Variants in PTPRD observed in about 807,000 individuals in gnomAD.
PTPRD encodes protein tyrosine phosphatase receptor type D, also known as receptor-type tyrosine-protein phosphatase delta.
Under a neutral mutation model 214.5 loss-of-function variants are expected in PTPRD, and 34 were observed. The observed-to-expected ratio is 0.16, with a 90% confidence interval of 0.12 to 0.21. PTPRD has a LOEUF of 0.21. Ranked by LOEUF, PTPRD falls within the 10% of genes least tolerant of loss-of-function variation. The pLI, the probability that PTPRD is intolerant of heterozygous loss-of-function variation, is 1.00. For missense variants in PTPRD, 2,545 were observed against 2,398.7 expected, an observed-to-expected ratio of 1.06 and a Z score of -1.27; for synonymous variants, 1,128 against 845.7, an observed-to-expected ratio of 1.33 and a Z score of -5.79.
intron 11 of PTPRD, among the ~76,000 whole-genome samples, chr9:8,832,124 G>A (rs111918988): frequency 1.2e-4 from 19 of 152,026 alleles, no homozygotes; most frequent in African/African-American, 4.3e-4. Context: ...GTGTGTGTGT[G>A]TGTGTGTGTG....
intron 36 of PTPRD, among the ~76,000 whole-genome samples, chr9:8,403,971 A>G (rs2092709660): frequency 6.6e-6 from 1 of 152,190 alleles, no homozygotes; most frequent in African/African-American, 2.4e-5. Context: ...TCCCATATAA[A>G]ACATCAACTA....
chr9:8,324,880 T>A (rs1162236332), intron 44 of PTPRD, among the ~76,000 whole-genome samples: 3 of 152,246 alleles, frequency 2.0e-5, no homozygotes, highest in African/African-American at 4.8e-5. Flanking sequence ...CATATGTTTG[T>A]CTGCCGCATC....
chr9:9,935,919 T>G lies in PTPRD; in HGVS notation c.-368+2588A>C, dbSNP rs1169295992. 1.7e-4 allele frequency among the ~76,000 whole-genome samples: 26 copies of G among 150,166 alleles called. No individual in the cohort carries two copies. In the East Asian group the frequency reaches 2.0e-3, roughly 11 times the overall value. Reference sequence around the variant, plus strand: ...AACAGAACAGAGCCCTCAGAAATAATGCTGCATATCTACAACTATCTGATC... The same window carrying G: ...AACAGAACAGAGCCCTCAGAAATAAGGCTGCATATCTACAACTATCTGATC... On this transcript the variant is annotated intron_variant, in intron 5 of 45. Coordinates refer to ENST00000381196, the MANE Select transcript of PTPRD (RefSeq NM_002839.4).
At chr9:9,024,260 C>T (rs183522111) in intron 10 of PTPRD, among the ~76,000 whole-genome samples, 1 of 150,980 alleles carries the variant, frequency 6.6e-6, no homozygotes, top group East Asian at 1.9e-4. Context: ...TTAGTTAGTG[C>T]ATAGTTATTT....
At chr9:8,785,338 A>C (rs1379792733) in intron 11 of PTPRD, among the ~76,000 whole-genome samples, 7 of 152,264 alleles carry the variant, frequency 4.6e-5, no homozygotes. Context: ...CCATGGTTTT[A>C]ATCTGGCTGG....
intron 14 of PTPRD, among the ~76,000 whole-genome samples, chr9:8,593,555 T>C (rs760068959): frequency 8.5e-5 from 13 of 152,216 alleles, no homozygotes; most frequent in Non-Finnish European, 1.6e-4. Context: ...TCCTACTTCC[T>C]CATAGTATAG....
At chr9:9,605,553 T>C (rs2094098121) in intron 7 of PTPRD, among the ~76,000 whole-genome samples, 1 of 152,114 alleles carries the variant, frequency 6.6e-6, no homozygotes, top group African/African-American at 2.4e-5. Flanking sequence ...GGTTTGCTAA[T>C]GATTTAGACT....
At chr9:10,033,087 G>C (rs1334894501) in intron 4 of PTPRD, among the ~76,000 whole-genome samples, 1 of 151,100 alleles carries the variant, frequency 6.6e-6, no homozygotes, top group African/African-American at 2.4e-5. Flanking sequence ...ATGTAAGTGT[G>C]TGTGTGTATG....
chr9:9,928,755 T>TACACACACAC (rs545488105), intron 5 of PTPRD, among the ~76,000 whole-genome samples: 1,219 of 109,634 alleles, frequency 0.011, 18 homozygotes, highest in African/African-American at 0.043. Flanking sequence ...TCTCTCTCTC[T>TACACACACAC]ATACACACAC....
chr9:10,324,259 C>T (rs1019808224), intron 3 of PTPRD, among the ~76,000 whole-genome samples: 16 of 151,982 alleles, frequency 1.1e-4, no homozygotes, highest in Admixed American at 1.0e-3. Flanking sequence ...TTTGATAGCC[C>T]ACCCCTTCTC....
In PTPRD at chr9:9,806,356, T is replaced by C. The variant is rs187174104; in HGVS notation, c.-367-39505A>G. Among the ~76,000 whole-genome samples the C allele has an allele frequency of 4.6e-3, 705 of 152,184 alleles. 3 individuals carry two copies. The highest frequency in any genetic ancestry group is 0.016 in the African/African-American group (655 of 41,528). ...AAGGTCCTCTGAGCTGGCCGCACCA[T>C]CGTCAAGCCATTATGACATTCCCCC... On this transcript the variant is annotated intron_variant, in intron 5 of 45. Coordinates refer to ENST00000381196, the MANE Select transcript of PTPRD (RefSeq NM_002839.4).
rs1477163358 is a variant in PTPRD at position 9,936,132 on chromosome 9, A to G, written c.-368+2375T>C. Among the ~76,000 whole-genome samples, 2 of 147,418 alleles carry G rather than the reference A, an allele frequency of 1.4e-5. 1 individual carries two copies. The highest frequency in any genetic ancestry group is 5.3e-5 in the African/African-American group (2 of 37,388). On this transcript the variant is annotated intron_variant, in intron 5 of 45. Transcript: ENST00000381196. ...CCTAAAACCATAAAAGCCCTAGAAG[A>G]AAACCTAGGCATTACCATTCAGGAC...
intron 11 of PTPRD, among the ~76,000 whole-genome samples, chr9:8,826,373 A>G (rs2097175446): frequency 1.3e-5 from 2 of 152,112 alleles, no homozygotes; most frequent in South Asian, 2.1e-4. Flanking sequence ...TGTGCCTTAA[A>G]TGAAATCCAA....
intron 3 of PTPRD, among the ~76,000 whole-genome samples, chr9:10,235,870 C>A (rs562844714): frequency 3.3e-5 from 5 of 152,068 alleles, no homozygotes; most frequent in African/African-American, 1.2e-4. Context: ...GACTGTCTCG[C>A]ATGTCTTCTT....
intron 9 of PTPRD, among the ~76,000 whole-genome samples, chr9:9,339,872 G>T (rs1263547230): frequency 6.6e-6 from 1 of 151,982 alleles, no homozygotes; most frequent in Non-Finnish European, 1.5e-5. Context: ...TAACACCATT[G>T]GTTTTAGGTC....
chr9:10,448,322 T>G (rs1034725219), intron 2 of PTPRD, among the ~76,000 whole-genome samples: 1 of 152,024 alleles, frequency 6.6e-6, no homozygotes, highest in Non-Finnish European at 1.5e-5. Context: ...CAAAGAGGTC[T>G]ACTTCTGTAT....
chr9:8,382,746 A>C (rs2135325653), intron 37 of PTPRD, among the ~76,000 whole-genome samples: 1 of 151,728 alleles, frequency 6.6e-6, no homozygotes, highest in South Asian at 2.1e-4. Context: ...CACCACTTTC[A>C]AAAACAATCC....
chr9:9,008,111 T>G (rs1292406622), intron 11 of PTPRD, among the ~76,000 whole-genome samples: 1 of 148,842 alleles, frequency 6.7e-6, no homozygotes, highest in Non-Finnish European at 1.5e-5. Context: ...TTTTCATGTT[T>G]TTAACTTTTA....
intron 8 of PTPRD, among the ~76,000 whole-genome samples, chr9:9,539,399 C>T (rs1412063519): frequency 1.3e-5 from 2 of 151,834 alleles, no homozygotes; most frequent in Admixed American, 1.3e-4. Context: ...TTGAAAATGA[C>T]TTTTGTCTCT....
Sources: allele counts gnomAD v4.1 joint callset (sites outside exome capture counted in the v4.1 genomes callset), GRCh38; gene constraint gnomAD v4.1.1; transcripts MANE v1.5; gene names NCBI Gene and HGNC (gene_info 2026-07-23, HGNC 2026-07-21).